ITGA8: variants seen among roughly 807,000 people sequenced by gnomAD.
The protein encoded by ITGA8 is integrin subunit alpha 8, also known as integrin alpha-8.
A neutral mutation model predicts 142.3 loss-of-function variants in ITGA8; 91 were observed. That is an observed-to-expected ratio of 0.64 (90% CI 0.54 to 0.76). ITGA8 has a LOEUF of 0.76. Among genes scored for constraint, ITGA8 ranks in the 30% least tolerant of loss-of-function variants. The pLI is 0.00. For missense variants in ITGA8, 1,406 were observed against 1,327.7 expected, an observed-to-expected ratio of 1.06 and a Z score of -0.92; for synonymous variants, 505 against 485.2, an observed-to-expected ratio of 1.04 and a Z score of -0.54.
At chr10:15,710,329 A>G (rs879907483) in intron 2 of ITGA8, among the ~76,000 whole-genome samples, 1 of 152,170 alleles carries the variant, frequency 6.6e-6, no homozygotes, top group African/African-American at 2.4e-5. Flanking sequence ...TGGTTATATA[A>G]TATTTAATTG....
At chr10:15,670,517 C>T (rs1266483653) in intron 8 of ITGA8, among the ~76,000 whole-genome samples, 2 of 152,160 alleles carry the variant, frequency 1.3e-5, no homozygotes, top group African/African-American at 4.8e-5. Context: ...TTACGAGCAA[C>T]ACATGGTCTA....
At chr10:15,647,912 T>A (rs1168562406) in intron 11 of ITGA8, among the ~76,000 whole-genome samples, 1 of 152,214 alleles carries the variant, frequency 6.6e-6, no homozygotes, top group Non-Finnish European at 1.5e-5. Flanking sequence ...AATAAAAATT[T>A]GAATTCTTTG....
chr10:15,667,129 C>G (rs1264491895), intron 8 of ITGA8, among the ~76,000 whole-genome samples: 2 of 152,162 alleles, frequency 1.3e-5, no homozygotes, highest in Admixed American at 1.3e-4. Context: ...TAGAATTCGG[C>G]TGTGAATCCA....
intron 27 of ITGA8, among the ~76,000 whole-genome samples, chr10:15,541,418 C>A (rs1459557504): frequency 6.6e-6 from 1 of 152,196 alleles, no homozygotes; most frequent in African/African-American, 2.4e-5. Flanking sequence ...CATCAAAAAT[C>A]ACTTCTTGTT....
At chr10:15,538,245 G>T (rs188362034) in intron 27 of ITGA8, among the ~76,000 whole-genome samples, 4 of 152,118 alleles carry the variant, frequency 2.6e-5, no homozygotes, top group Admixed American at 2.6e-4. Flanking sequence ...AGGTGCAGTG[G>T]CTCATGCCTG....
At chr10:15,566,427 G>A (rs543912655) in intron 25 of ITGA8, among the ~76,000 whole-genome samples, 5 of 152,204 alleles carry the variant, frequency 3.3e-5, no homozygotes, top group East Asian at 1.9e-4. Context: ...GCATCTTATC[G>A]GTCTTCCTCT....
chr10:15,543,762 A>G (rs1833617765), intron 27 of ITGA8, among the ~76,000 whole-genome samples: 1 of 152,204 alleles, frequency 6.6e-6, no homozygotes, highest in African/African-American at 2.4e-5. Flanking sequence ...ATTCATGTTC[A>G]CTTAGAATCT....
intron 7 of ITGA8, among the ~76,000 whole-genome samples, chr10:15,671,879 C>G (rs1183204938): frequency 1.3e-5 from 1 of 79,730 alleles, no homozygotes; most frequent in Non-Finnish European, 2.4e-5. Flanking sequence ...AGGAGCAAAG[C>G]AAAAAAAAAA....
intron 2 of ITGA8, among the ~76,000 whole-genome samples, chr10:15,717,464 A>G (rs1400337286): frequency 6.6e-6 from 1 of 152,200 alleles, no homozygotes; most frequent in Non-Finnish European, 1.5e-5. Flanking sequence ...AAGTGTCTCA[A>G]GTCTTGATAA....
chr10:15,628,442 C>G (rs1833627252), intron 13 of ITGA8, among the ~76,000 whole-genome samples: 1 of 148,700 alleles, frequency 6.7e-6, no homozygotes, highest in Admixed American at 6.8e-5. Flanking sequence ...ACGCCATTCT[C>G]CTGCCTCAGC....
intron 27 of ITGA8, among the ~76,000 whole-genome samples, chr10:15,533,350 T>C (rs1425953722): frequency 2.6e-5 from 4 of 152,252 alleles, no homozygotes; most frequent in Non-Finnish European, 5.9e-5. Context: ...GTTATTCTAA[T>C]GATCTCTTCT....
At chr10:15,718,556 G>A (rs1464218513) in intron 2 of ITGA8, among the ~76,000 whole-genome samples, 1 of 152,198 alleles carries the variant, frequency 6.6e-6, no homozygotes, top group Admixed American at 6.5e-5. Context: ...GGTCAAAATA[G>A]TGTCCTTTCT....
intron 26 of ITGA8, among the ~76,000 whole-genome samples, chr10:15,551,910 A>G (rs1393258951): frequency 1.3e-5 from 2 of 152,196 alleles, no homozygotes; most frequent in East Asian, 3.9e-4. Context: ...AGATATGGAA[A>G]TCAAGAACTG....
chr10:15,699,464 TGATA>T (rs1029970879), intron 2 of ITGA8, among the ~76,000 whole-genome samples: 19 of 152,306 alleles, frequency 1.2e-4, no homozygotes, highest in African/African-American at 2.4e-4. Flanking sequence ...GAAAAACAGA[TGATA>T]GATAGATACA....
intron 13 of ITGA8, among the ~76,000 whole-genome samples, chr10:15,637,076 C>T (rs1208134124): frequency 2.6e-5 from 4 of 152,140 alleles, no homozygotes; most frequent in Non-Finnish European, 5.9e-5. Context: ...ACCTGGGCGG[C>T]GGAGTTTGCA....
rs1445984800 is a variant in ITGA8, at chr10:15,624,304, T to A, written c.1400-7745A>T. On this transcript the variant is annotated intron_variant, in intron 13 of 29. Coordinates refer to ENST00000378076, the MANE Select transcript of ITGA8 (RefSeq NM_003638.3). ...AATTCTCAACTCCAGTTCACTTTGCTACTGGCTTCTAAATGACATTGAACA... is the reference window on the plus strand; with the variant it reads ...AATTCTCAACTCCAGTTCACTTTGCAACTGGCTTCTAAATGACATTGAACA... 5.3e-5 allele frequency among the ~76,000 whole-genome samples: 8 copies of A among 152,364 alleles called. 1 individual carries two copies. The highest frequency in any genetic ancestry group is 5.2e-4 in the Admixed American group (8 of 15,304).
At chr10:15,569,297 G>C (rs1482787503) in intron 25 of ITGA8, among the ~76,000 whole-genome samples, 1 of 152,104 alleles carries the variant, frequency 6.6e-6, no homozygotes, top group Non-Finnish European at 1.5e-5. Context: ...GACATTTTGG[G>C]GGCTAGTCCA....
chr10:15,558,303 T>G (rs1833919936), intron 25 of ITGA8, 101 bp from the exon 26 acceptor site: 1 of 1,376,842 alleles, frequency 7.3e-7, no homozygotes, highest in Non-Finnish European at 9.9e-7. Context: ...CTCAGTGGAA[T>G]ATGATTCACA....
chr10:15,603,827 C>A (rs972903955), intron 20 of ITGA8, among the ~76,000 whole-genome samples: 16 of 152,174 alleles, frequency 1.1e-4, no homozygotes, highest in Admixed American at 9.8e-4. Context: ...TAACGAAAAC[C>A]AGGCTTCCTG....
Sources: allele counts gnomAD v4.1 joint callset (sites outside exome capture counted in the v4.1 genomes callset), GRCh38; gene constraint gnomAD v4.1.1; transcripts MANE v1.5; gene names NCBI Gene and HGNC (gene_info 2026-07-23, HGNC 2026-07-21).